The following CFAP298 variants were observed in gnomAD, a reference collection of about 807,000 sequenced individuals.
CFAP298 encodes the protein cilia and flagella associated protein 298.
Under a neutral mutation model 41.0 loss-of-function variants are expected in CFAP298, and 38 were observed. That is an observed-to-expected ratio of 0.93 (90% CI 0.72 to 1.22). CFAP298 has a LOEUF of 1.22. Among genes scored for constraint, CFAP298 ranks in the 50% most tolerant of loss-of-function variants. The pLI is 0.00. For missense variants in CFAP298, 348 were observed against 360.3 expected, an observed-to-expected ratio of 0.97 and a Z score of 0.28; for synonymous variants, 137 against 135.3, an observed-to-expected ratio of 1.01 and a Z score of -0.09.
intron 6 of CFAP298, 98 bp from the exon 7 acceptor site, chr21:32,602,071 C>T: frequency 1.1e-6 from 1 of 906,604 alleles, no homozygotes; most frequent in Non-Finnish European, 1.8e-6. Flanking sequence ...TCCCCCTCTC[C>T]CTGCCCTCTA....
In CFAP298 at chr21:32,600,328, T is replaced by A. The variant is rs548794253; in HGVS notation, c.*1535A>T. Among the ~76,000 whole-genome samples, 1 of 152,350 alleles carries A rather than the reference T, an allele frequency of 6.6e-6. No individual in the cohort carries two copies. The highest frequency in any genetic ancestry group is 2.4e-5 in the African/African-American group (1 of 41,578). ...TACAAAGCACTTCAGAGAACAGCGC[T>A]TTGCTCTCAGGTCTGGGACCCACCC... is the stretch of plus-strand genomic sequence containing the variant. On this transcript the variant is annotated 3_prime_UTR_variant, in exon 7 of 7. Transcript: ENST00000290155.
chr21:32,599,752 C>T lies in CFAP298; in HGVS notation c.*2111G>A, dbSNP rs186048380. ...ACAGCGGGCACCACCTGCCCCCCGCCGTCACAGATGGCTTGCAAATAAGCT... is the reference window on the plus strand; with the variant it reads ...ACAGCGGGCACCACCTGCCCCCCGCTGTCACAGATGGCTTGCAAATAAGCT... On this transcript the variant is annotated 3_prime_UTR_variant, in exon 7 of 7. Transcript: ENST00000290155. Among the ~76,000 whole-genome samples, 7 of 152,312 alleles carry T rather than the reference C, an allele frequency of 4.6e-5. No individual in the cohort carries two copies. The highest frequency in any genetic ancestry group is 7.2e-5 in the African/African-American group (3 of 41,560).
intron 3 of CFAP298, 49 bp from the exon 4 acceptor site, chr21:32,604,332 T>G: frequency 6.2e-7 from 1 of 1,604,530 alleles, no homozygotes; most frequent in South Asian, 1.1e-5. Context: ...ATCACTTCCA[T>G]AAATTCGATC....
In CFAP298 at chr21:32,600,722, C is replaced by T. The variant is rs2038721054; in HGVS notation, c.*1141G>A. On this transcript the variant is annotated 3_prime_UTR_variant, in exon 7 of 7. Coordinates refer to ENST00000290155, the MANE Select transcript of CFAP298 (RefSeq NM_021254.4). The stretch of plus-strand genomic sequence containing the variant: ...CAGTTAGGATGATAGTGATCCCATC[C>T]ATCCCGTGGTTGGTCACTGAGCTGC... Among the ~76,000 whole-genome samples the T allele has an allele frequency of 1.3e-5, 2 of 152,320 alleles. No individual in the cohort carries two copies. The highest frequency in any genetic ancestry group is 2.9e-5 in the Non-Finnish European group (2 of 68,030).
In CFAP298 at chr21:32,601,834, T is replaced by G; in HGVS notation, c.*29A>C. On this transcript the variant is annotated 3_prime_UTR_variant, in exon 7 of 7. Coordinates refer to ENST00000290155, the MANE Select transcript of CFAP298 (RefSeq NM_021254.4). ...TGCCTAGGAGAAAGGTGAGCTAATC[T>G]CTTTGGAAGTGTCATCAGCTGGTGA... is the stretch of plus-strand genomic sequence containing the variant. The G allele has an allele frequency of 8.4e-7, 1 of 1,186,138 alleles. No homozygotes were observed. Among genetic ancestry groups the G allele is most frequent in the Non-Finnish European group, 1.3e-6 (1 of 792,682 alleles). The allele number at this position is 1,186,138 out of a possible 1,614,324, so 73.5% of individuals were successfully genotyped here.
rs1322329144 is a variant in CFAP298 at position 32,599,878 on chromosome 21, G to C, written c.*1985C>G. On this transcript the variant is annotated 3_prime_UTR_variant, in exon 7 of 7. Transcript: ENST00000290155. ...GGAGAGAGGATGGTTCTTCTCGCATGGGTATTTAAGGAGTGTAGTGTCATG... is the reference window on the plus strand; with the variant it reads ...GGAGAGAGGATGGTTCTTCTCGCATCGGTATTTAAGGAGTGTAGTGTCATG... Among the ~76,000 whole-genome samples, 4 of 152,234 alleles carry C rather than the reference G, an allele frequency of 2.6e-5. No individual in the cohort carries two copies. The highest frequency in any genetic ancestry group is 9.6e-5 in the African/African-American group (4 of 41,462).
At chr21:32,603,092 C>G (rs1256269359) in intron 5 of CFAP298, 69 bp downstream of exon 5, 17 of 1,552,268 alleles carry the variant, frequency 1.1e-5, no homozygotes, top group African/African-American at 1.4e-5. Context: ...TTCGGATTCA[C>G]TGTACATTTT....
rs544579355 is a variant in CFAP298 at position 32,609,624 on chromosome 21, G to T, written c.307+214C>A. On this transcript the variant is annotated intron_variant, in intron 2 of 6. Transcript: ENST00000290155. Reference sequence around the variant, plus strand: ...TACTAAAAATACAAAAATTAGTCAGGTGTGGTGGCACATGCCTGTAGTCCC... The same window carrying T: ...TACTAAAAATACAAAAATTAGTCAGTTGTGGTGGCACATGCCTGTAGTCCC... Among the ~76,000 whole-genome samples the T allele has an allele frequency of 3.9e-5, 6 of 152,336 alleles. 1 individual carries two copies. Among genetic ancestry groups the T allele is most frequent in the Admixed American group, 3.9e-4 (6 of 15,304 alleles).
At chr21:32,605,570 T>TA (rs2038849900) in intron 3 of CFAP298, among the ~76,000 whole-genome samples, 1 of 152,162 alleles carries the variant, frequency 6.6e-6, no homozygotes, top group Non-Finnish European at 1.5e-5. Flanking sequence ...AAAAACGCTA[T>TA]AAAAATCCCA....
Position 32,609,976 on chromosome 21 carries a change from A to C in CFAP298, c.169T>G (p.Phe57Val), listed in dbSNP as rs199853806. 1.8e-4 allele frequency: 286 copies of C among 1,613,306 alleles called. No individual in the cohort carries two copies. The highest frequency in any genetic ancestry group is 1.3e-5 in the Non-Finnish European group (15 of 1,179,804). The change falls in exon 2 of 7, where the codon TTT (phenylalanine) becomes GTT (valine). Residue 57 changes from phenylalanine (F) to valine (V), a missense_variant. Transcript: ENST00000290155. ...AGTCCTTGCATATTAGGAGGGAGAA[A>C]TATGCCATGTTCGGCTAATTCTTCC... ...EMEELAEHGIFLPPNMQGLTD... is the reference protein window; with the variant it reads ...EMEELAEHGIVLPPNMQGLTD...
chr21:32,605,189 A>C (rs533094813), intron 3 of CFAP298, among the ~76,000 whole-genome samples: 65 of 152,338 alleles, frequency 4.3e-4, no homozygotes, highest in African/African-American at 1.5e-3. Flanking sequence ...AAAAAAAAGA[A>C]CAGACCTAGT....
chr21:32,612,343 C>A lies in CFAP298; in HGVS notation c.-100G>T. ...CGCCGGATCGCCAGCAGCTGCGACG[C>A]ACTAACAGCCGCTCACAGTCCGGAA... On this transcript the variant is annotated 5_prime_UTR_variant, in exon 1 of 7. Coordinates refer to ENST00000290155, the MANE Select transcript of CFAP298 (RefSeq NM_021254.4). 1 of 1,448,122 alleles carries A rather than the reference C, an allele frequency of 6.9e-7. No homozygotes were observed. The highest frequency in any genetic ancestry group is 2.6e-5 in the East Asian group (1 of 38,608). 89.7% of individuals were successfully genotyped at this position (1,448,122 alleles called of 1,614,324 possible). A position where few individuals can be genotyped will look rare whatever the true frequency, so the allele number is the denominator to read the frequency against.
In CFAP298 at chr21:32,603,844, C is replaced by T. The variant is rs866977282; in HGVS notation, c.534+281G>A. Reference sequence around the variant, plus strand: ...TAGGAAGAAATTAGGTAGCTGGCTTCCTAGCAGCCAAAGACAGTGGAAATG... The same window carrying T: ...TAGGAAGAAATTAGGTAGCTGGCTTTCTAGCAGCCAAAGACAGTGGAAATG... On this transcript the variant is annotated intron_variant, in intron 4 of 6. Transcript: ENST00000290155. 7.2e-5 allele frequency among the ~76,000 whole-genome samples: 11 copies of T among 152,322 alleles called. No homozygotes were observed. In the South Asian group the frequency reaches 2.3e-3, roughly 32 times the overall value.
At position 32,610,612 on chromosome 21, in the gene CFAP298, TAGGAAA is replaced by T. The variant is rs1487850605; in HGVS notation, c.140-613_140-608del. On this transcript the variant is annotated intron_variant, in intron 1 of 6. Coordinates refer to ENST00000290155, the MANE Select transcript of CFAP298 (RefSeq NM_021254.4). ...AGCACATTTCCAATTTATAACGTTA[TAGGAAA>T]AGAAGATGAATTCCTTTTCTCCTCA... Among the ~76,000 whole-genome samples the T allele has an allele frequency of 2.0e-5, 3 of 152,292 alleles. No individual in the cohort carries two copies. The East Asian group carries it at 5.8e-4, about 29-fold the overall frequency.
chr21:32,609,562 C>G (rs562136198), intron 2 of CFAP298, among the ~76,000 whole-genome samples: 55 of 152,290 alleles, frequency 3.6e-4, no homozygotes, highest in Non-Finnish European at 7.6e-4. Context: ...GTCACGAGTT[C>G]GAGACCAGCC....
At position 32,601,329 on chromosome 21, in the gene CFAP298, C is replaced by T. The variant is rs142928686; in HGVS notation, c.*534G>A. 3.7e-4 allele frequency among the ~76,000 whole-genome samples: 48 copies of T among 130,610 alleles called. No individual in the cohort carries two copies. Among genetic ancestry groups the T allele is most frequent in the Middle Eastern group, 5.8e-3 (1 of 172 alleles). The allele number at this position is 130,610 out of a possible 152,430, so 85.7% of individuals were successfully genotyped here. On this transcript the variant is annotated 3_prime_UTR_variant, in exon 7 of 7. Transcript: ENST00000290155. The stretch of plus-strand genomic sequence containing the variant: ...TTTTTTTTTTGAGACAAGAGTTTCG[C>T]TCTGTTGCCCAGGATAGAGTGCAGT...
Position 32,609,983 on chromosome 21 carries a change from A to G in CFAP298, c.162T>C (p.His54=). 6.2e-7 allele frequency: 1 copy of G among 1,613,588 alleles called. No individual in the cohort carries two copies. Among genetic ancestry groups the G allele is most frequent in the Non-Finnish European group, 8.5e-7 (1 of 1,179,892 alleles). Residue 54 remains histidine, a synonymous_variant, in exon 2 of 7, where the codon CAT becomes CAC. Transcript: ENST00000290155. ...GCATATTAGGAGGGAGAAATATGCC[A>G]TGTTCGGCTAATTCTTCCATTTCTT... ...LCSEMEELAE[H]GIFLPPNMQG...
Position 32,604,136 on chromosome 21 carries a change from A to C in CFAP298, c.523T>G (p.Ser175Ala). ...RMEFENKEDL[S>A]GTQAGLNVIK... Reference sequence around the variant, plus strand: ...CACAAACTACGTACCTGTGTTCCCGACAAGTCTTCCTTATTTTCAAACTCC... The same window carrying C: ...CACAAACTACGTACCTGTGTTCCCGCCAAGTCTTCCTTATTTTCAAACTCC... The change falls in exon 4 of 7, where the codon TCG becomes GCG. Residue 175 changes from serine (S) to alanine (A), a missense_variant. Ser to Ala is a moderately conservative substitution (Grantham distance 99). Coordinates refer to ENST00000290155, the MANE Select transcript of CFAP298 (RefSeq NM_021254.4). The C allele has an allele frequency of 6.2e-7, 1 of 1,613,946 alleles. No individual in the cohort carries two copies.
At position 32,602,283 on chromosome 21, in the gene CFAP298, C is replaced by A; in HGVS notation, c.751G>T (p.Glu251Ter). 1 of 1,614,096 alleles carries A rather than the reference C, an allele frequency of 6.2e-7. No individual in the cohort carries two copies. The highest frequency in any genetic ancestry group is 8.5e-7 in the Non-Finnish European group (1 of 1,180,024). The part of the protein sequence containing the change: ...QLMLYYHRRQ[E>*]ELKRLEENDD... The stretch of plus-strand genomic sequence containing the variant: ...CTGTCCCCTGCTACCTTGAGCTCCT[C>A]TTGTCTTCTGTGATAGTACAGCATC... The change falls in exon 6 of 7, where the codon GAG becomes TAG. Residue 251 changes from glutamate to a stop codon, truncating the protein, a stop_gained. Transcript: ENST00000290155. LOFTEE classifies it high-confidence loss of function.
Sources: allele counts gnomAD v4.1 joint callset (sites outside exome capture counted in the v4.1 genomes callset), GRCh38; gene constraint gnomAD v4.1.1; transcripts MANE v1.5; gene names NCBI Gene and HGNC (gene_info 2026-07-23, HGNC 2026-07-21).